PARP15: variants seen among roughly 807,000 people sequenced by gnomAD.
PARP15 encodes poly(ADP-ribose) polymerase family member 15, also known as protein mono-ADP-ribosyltransferase PARP15.
PARP15 carries 50 observed loss-of-function variants against 62.1 expected under a neutral mutation model. The observed-to-expected ratio is 0.81, with a 90% CI of 0.64 to 1.02. PARP15 has a LOEUF of 1.02. Ranked by LOEUF, PARP15 falls within the 50% of genes least tolerant of loss-of-function variation. The probability of loss-of-function intolerance (pLI) is 0.00; values close to 1 mark genes in which losing one functional copy is unlikely to be tolerated. For synonymous variants in PARP15, 309 were observed against 293.1 expected (o/e 1.05, Z -0.55); for missense variants, 820 against 826.5 (o/e 0.99, Z 0.10).
At chr3:122,614,604 AATT>A (rs1935815098) in intron 4 of PARP15, among the ~76,000 whole-genome samples, 1 of 152,220 alleles carries the variant, frequency 6.6e-6, no homozygotes, top group African/African-American at 2.4e-5. Flanking sequence ...AACTGGGGGA[AATT>A]ATTATTAGCA....
chr3:122,628,369 T>C (rs71329291), intron 9 of PARP15, among the ~76,000 whole-genome samples: 6,691 of 152,198 alleles, frequency 0.044, 385 homozygotes, highest in East Asian at 0.31. Context: ...GGAATAGCTG[T>C]TCCCCAGAGG....
chr3:122,585,615 C>A (rs1318085631), intron 1 of PARP15, among the ~76,000 whole-genome samples: 3 of 152,190 alleles, frequency 2.0e-5, no homozygotes, highest in Admixed American at 2.0e-4. Context: ...GACCTTCAAC[C>A]TGGGGGTCTA....
rs1166049743 is a variant in PARP15 at position 122,610,549 on chromosome 3, T to C, written c.362T>C (p.Leu121Pro). 6 of 1,551,748 alleles carry C rather than the reference T, an allele frequency of 3.9e-6. No homozygotes were observed. Among genetic ancestry groups the C allele is most frequent in the Non-Finnish European group, 5.2e-6 (6 of 1,147,006 alleles). Reference protein sequence around the residue: ...PMNLQLGGGPLSRAFLQKAGP... With the variant: ...PMNLQLGGGPPSRAFLQKAGP... ...AATCTTCAGCTTGGAGGAGGACCAC[T>C]ATCTCGGGCATTTTTGCAGAAAGCT... is the stretch of plus-strand genomic sequence containing the variant. The change falls in exon 3 of 12, where the codon CTA becomes CCA. Residue 121 changes from leucine (L) to proline (P), a missense_variant. Around this residue, in one of 3 missense-constraint regions of PARP15, gnomAD observed 731 missense variants for 727.7 expected, o/e 1.00. Transcript: ENST00000464300.
At position 122,617,022 on chromosome 3, in the gene PARP15, C is replaced by G. The variant is rs768212236; in HGVS notation, c.858C>G (p.Val286=). The part of the protein sequence containing the change: ...IPMAGDTQGV[V]GTVSKPCFTA... ...TATTTTCTTTCTTTTCAGGTGTGGT[C>G]GGGACTGTCTCTAAGCCTTGTTTCA... is the stretch of plus-strand genomic sequence containing the variant. Residue 286 remains valine (V), a synonymous_variant, in exon 6 of 12, where the codon GTC becomes GTG. Coordinates refer to ENST00000464300, the MANE Select transcript of PARP15 (RefSeq NM_001113523.3). 1.2e-6 allele frequency: 2 copies of G among 1,613,752 alleles called. No individual in the cohort carries two copies. The highest frequency in any genetic ancestry group is 4.5e-5 in the East Asian group (2 of 44,876).
intron 9 of PARP15, among the ~76,000 whole-genome samples, chr3:122,631,211 T>G (rs1937043838): frequency 1.3e-5 from 2 of 152,158 alleles, no homozygotes; most frequent in Admixed American, 1.3e-4. Context: ...CTTTCAGAAA[T>G]CACGCACCTT....
chr3:122,594,889 T>G (rs531488633), intron 1 of PARP15: 1 of 972,866 alleles, frequency 1.0e-6, no homozygotes, highest in East Asian at 1.1e-4. Context: ...ATAACAATTT[T>G]CTTCAAAAAT....
intron 9 of PARP15, among the ~76,000 whole-genome samples, chr3:122,628,235 G>GTTTGGACC (rs1936853445): frequency 6.6e-6 from 1 of 152,166 alleles, no homozygotes; most frequent in Non-Finnish European, 1.5e-5. Context: ...TTTAAGCGCT[G>GTTTGGACC]AGAGTCTTTC....
At chr3:122,586,357 C>G (rs532702899) in intron 1 of PARP15, among the ~76,000 whole-genome samples, 20 of 152,238 alleles carry the variant, frequency 1.3e-4, no homozygotes, top group South Asian at 1.0e-3. Context: ...CAGGAACACA[C>G]CACCATGCCC....
chr3:122,604,153 AC>A (rs1308795596), intron 1 of PARP15, among the ~76,000 whole-genome samples: 1 of 152,230 alleles, frequency 6.6e-6, no homozygotes, highest in African/African-American at 2.4e-5. Context: ...GTGTCAAGAG[AC>A]CACATTCAAG....
At chr3:122,612,767 T>G (rs1935664520) in intron 3 of PARP15, among the ~76,000 whole-genome samples, 1 of 152,138 alleles carries the variant, frequency 6.6e-6, no homozygotes. Flanking sequence ...TACTGCATGT[T>G]GTTAAAGACT....
At chr3:122,610,864 AT>A in intron 3 of PARP15, 134 bp downstream of exon 3, 3 of 650,206 alleles carry the variant, frequency 4.6e-6, no homozygotes, top group Non-Finnish European at 7.5e-6. Flanking sequence ...TGCTGCTGGT[AT>A]CTAGTGGGTA....
intron 3 of PARP15, among the ~76,000 whole-genome samples, chr3:122,611,837 C>T (rs1935588812): frequency 6.6e-6 from 1 of 152,104 alleles, no homozygotes; most frequent in Admixed American, 6.5e-5. Context: ...GCCTCAGCCT[C>T]CCGAGTAGCT....
At chr3:122,635,544 G>A (rs549793320) in intron 11 of PARP15, among the ~76,000 whole-genome samples, 1 of 152,106 alleles carries the variant, frequency 6.6e-6, no homozygotes, top group African/African-American at 2.4e-5. Context: ...GAGTAGCTGG[G>A]ATTACAGGCA....
chr3:122,619,977 G>C lies in PARP15; in HGVS notation c.1063+134G>C. On this transcript the variant is annotated intron_variant, in intron 7 of 11. Coordinates refer to ENST00000464300, the MANE Select transcript of PARP15 (RefSeq NM_001113523.3). ...TTGCAAGAAGGTTGGTTCACTGGAA[G>C]AGCAGGCAGAGGTGGTGGAACTTGG... 6 of 763,298 alleles carry C rather than the reference G, an allele frequency of 7.9e-6. No homozygotes were observed. The South Asian group carries it at 9.0e-5, about 11-fold the overall frequency. 47.3% of individuals were successfully genotyped at this position (763,298 alleles called of 1,614,324 possible).
intron 1 of PARP15, among the ~76,000 whole-genome samples, chr3:122,578,284 T>C (rs1175009757): frequency 1.3e-5 from 2 of 152,164 alleles, no homozygotes; most frequent in Admixed American, 6.5e-5. Context: ...CATATTTTAA[T>C]ATATGACTTT....
chr3:122,610,665 G>T lies in PARP15; in HGVS notation c.478G>T (p.Asp160Tyr), dbSNP rs1935498845. The T allele has an allele frequency of 6.4e-7, 1 of 1,550,824 alleles. No homozygotes were observed. The highest frequency in any genetic ancestry group is 8.7e-7 in the Non-Finnish European group (1 of 1,146,490). ...ATTCATGACAAGCGGCTGCAATCTG[G>T]ACTGCAAAGCTGTGCTCCATGCTGT... ...NIFMTSGCNL[D>Y]CKAVLHAVAP... Residue 160 changes from aspartate to tyrosine, a missense_variant, in exon 3 of 12, where the codon GAC becomes TAC. By Grantham distance (160) the Asp-to-Tyr change is radical. Around this residue, in one of 3 missense-constraint regions of PARP15, gnomAD observed 731 missense variants for 727.7 expected, o/e 1.00. Transcript: ENST00000464300.
At chr3:122,594,659 C>T (rs903862742) in intron 1 of PARP15, 33 of 909,140 alleles carry the variant, frequency 3.6e-5, no homozygotes, top group African/African-American at 1.8e-4. Flanking sequence ...TTGTGGTTAT[C>T]GCCTCTAAAT....
intron 2 of PARP15, among the ~76,000 whole-genome samples, chr3:122,606,329 G>C (rs987929098): frequency 9.2e-5 from 14 of 152,088 alleles, no homozygotes; most frequent in Non-Finnish European, 1.5e-4. Flanking sequence ...AACTGATCTT[G>C]ACTTACTCTC....
Position 122,615,323 on chromosome 3 carries a change from A to T in PARP15, c.772-456A>T, listed in dbSNP as rs555440658. ...GGACCTAAGAGATGAAGCATACTGT[A>T]TGTATTTGTTGTTAATCAACCCCAG... On this transcript the variant is annotated intron_variant, in intron 4 of 11. Transcript: ENST00000464300. 2.7e-4 allele frequency: 350 copies of T among 1,290,734 alleles called. 3 individuals carry two copies. The highest frequency in any genetic ancestry group is 2.1e-3 in the Middle Eastern group (10 of 4,700). 80.0% of individuals were successfully genotyped at this position (1,290,734 alleles called of 1,614,324 possible). A position where few individuals can be genotyped will look rare whatever the true frequency, so the allele number is the denominator to read the frequency against.
Sources: allele counts gnomAD v4.1 joint callset (sites outside exome capture counted in the v4.1 genomes callset), GRCh38; gene constraint gnomAD v4.1.1; regional missense constraint gnomAD v4.1.1; transcripts MANE v1.5; gene names NCBI Gene and HGNC (gene_info 2026-07-23, HGNC 2026-07-21).